MACROD2: variants seen among roughly 807,000 people sequenced by gnomAD.
The protein encoded by MACROD2 is mono-ADP ribosylhydrolase 2, also known as ADP-ribose glycohydrolase MACROD2.
Under a neutral mutation model 70.4 loss-of-function variants are expected in MACROD2, and 36 were observed. The observed-to-expected ratio is 0.51, with a 90% CI of 0.39 to 0.68. The LOEUF is 0.68. Ranked by LOEUF, MACROD2 falls within the 30% of genes least tolerant of loss-of-function variation. The pLI is 0.00. For missense variants in MACROD2, 496 were observed against 538.4 expected (o/e 0.92, Z 0.78); for synonymous variants, 172 against 178.8 (o/e 0.96, Z 0.30).
At position 15,166,100 on chromosome 20, in the gene MACROD2, T is replaced by C. The variant is rs1200133638; in HGVS notation, c.419-63840T>C. 2.6e-5 allele frequency among the ~76,000 whole-genome samples: 4 copies of C among 152,138 alleles called. No homozygotes were observed. The South Asian group carries it at 8.3e-4, about 32-fold the overall frequency. ...ATGCAGCTGGGGGTAGGAACAGGTA[T>C]TGACTGCAAATGGGCACGGAGGATC... On this transcript the variant is annotated intron_variant, in intron 5 of 17. Coordinates refer to ENST00000684519, the MANE Select transcript of MACROD2 (RefSeq NM_001351661.2).
chr20:15,780,173 C>T (rs1186164784), intron 8 of MACROD2, among the ~76,000 whole-genome samples: 1 of 152,120 alleles, frequency 6.6e-6, no homozygotes, highest in Admixed American at 6.5e-5. Context: ...TAGCCCACTT[C>T]TGCCTTCTAA....
In MACROD2 at chr20:15,735,659, G is replaced by C. The variant is rs903730442; in HGVS notation, c.646-127086G>C. ...TGTGTAACTTTCAATTCTACTTTTT[G>C]TATTGGCAGGACTTGGCAAAGAATT... On this transcript the variant is annotated intron_variant, in intron 8 of 17. Coordinates refer to ENST00000684519, the MANE Select transcript of MACROD2 (RefSeq NM_001351661.2). Among the ~76,000 whole-genome samples, 4 of 152,284 alleles carry C rather than the reference G, an allele frequency of 2.6e-5. No homozygotes were observed. The South Asian group carries it at 8.3e-4, about 32-fold the overall frequency.
intron 5 of MACROD2, among the ~76,000 whole-genome samples, chr20:14,977,760 G>A (rs1317797011): frequency 6.6e-6 from 1 of 152,200 alleles, no homozygotes; most frequent in Non-Finnish European, 1.5e-5. Flanking sequence ...AAGGGAAGAT[G>A]AGGAAGGACC....
At chr20:15,284,861 T>C (rs1276473194) in intron 6 of MACROD2, among the ~76,000 whole-genome samples, 1 of 152,220 alleles carries the variant, frequency 6.6e-6, no homozygotes, top group African/African-American at 2.4e-5. Context: ...ATGGTTTTTA[T>C]ATACAAACAT....
At chr20:14,806,140 G>A (rs1468574029) in intron 5 of MACROD2, among the ~76,000 whole-genome samples, 3 of 152,068 alleles carry the variant, frequency 2.0e-5, no homozygotes, top group African/African-American at 7.2e-5. Context: ...GATAAATGTG[G>A]CCATGAAAAT....
intron 5 of MACROD2, among the ~76,000 whole-genome samples, chr20:15,049,465 T>TA (rs959316549): frequency 5.2e-4 from 78 of 151,404 alleles, no homozygotes; most frequent in Middle Eastern, 6.8e-3. Flanking sequence ...TCAAGAGAAG[T>TA]AAAAAAAAAT....
intron 6 of MACROD2, among the ~76,000 whole-genome samples, chr20:15,417,925 G>A (rs1324844305): frequency 1.3e-5 from 2 of 152,184 alleles, no homozygotes; most frequent in Non-Finnish European, 2.9e-5. Context: ...TGTGGATGCT[G>A]AAAAAGAATT....
intron 3 of MACROD2, among the ~76,000 whole-genome samples, chr20:14,270,940 G>T (rs1319400993): frequency 1.3e-5 from 2 of 152,234 alleles, no homozygotes; most frequent in Non-Finnish European, 2.9e-5. Context: ...GGCTGGGGGA[G>T]GAGCGCCCGC....
At chr20:15,929,995 C>T (rs1177918489) in intron 10 of MACROD2, among the ~76,000 whole-genome samples, 1 of 152,070 alleles carries the variant, frequency 6.6e-6, no homozygotes, top group African/African-American at 2.4e-5. Flanking sequence ...ATATCACACT[C>T]GACATGAATG....
At chr20:14,998,618 A>C (rs2074969538) in intron 5 of MACROD2, among the ~76,000 whole-genome samples, 1 of 152,172 alleles carries the variant, frequency 6.6e-6, no homozygotes, top group Non-Finnish European at 1.5e-5. Flanking sequence ...AATGAAGCAC[A>C]CCTATAGGAT....
intron 5 of MACROD2, among the ~76,000 whole-genome samples, chr20:15,021,153 C>T (rs1272384343): frequency 3.1e-5 from 4 of 128,408 alleles, no homozygotes; most frequent in Admixed American, 1.5e-4. Context: ...TGTATACACA[C>T]ACCTGTGTGT....
intron 3 of MACROD2, among the ~76,000 whole-genome samples, chr20:14,176,868 AT>A (rs2081267002): frequency 6.6e-6 from 1 of 152,172 alleles, no homozygotes; most frequent in African/African-American, 2.4e-5. Flanking sequence ...ATCTGTTTCG[AT>A]TATATATTGC....
chr20:15,038,049 A>C (rs2075327728), intron 5 of MACROD2, among the ~76,000 whole-genome samples: 1 of 152,218 alleles, frequency 6.6e-6, no homozygotes. Context: ...TATGTATTAC[A>C]TAAATATGTA....
intron 8 of MACROD2, among the ~76,000 whole-genome samples, chr20:15,575,887 A>G (rs953624858): frequency 4.6e-5 from 7 of 152,176 alleles, no homozygotes; most frequent in African/African-American, 1.7e-4. Flanking sequence ...TTGACTTCTT[A>G]GAAGATAAAT....
At chr20:15,415,854 C>A (rs756016030) in intron 6 of MACROD2, among the ~76,000 whole-genome samples, 11 of 152,042 alleles carry the variant, frequency 7.2e-5, no homozygotes, top group Non-Finnish European at 1.5e-4. Flanking sequence ...AAGTTAACTC[C>A]CTAGGAGTAG....
At chr20:14,300,303 A>C (rs2082463766) in intron 3 of MACROD2, among the ~76,000 whole-genome samples, 1 of 152,230 alleles carries the variant, frequency 6.6e-6, no homozygotes, top group African/African-American at 2.4e-5. Context: ...AACTATTCAC[A>C]AGTATTATTT....
intron 6 of MACROD2, among the ~76,000 whole-genome samples, chr20:15,243,064 G>A (rs1415678549): frequency 2.0e-5 from 3 of 152,176 alleles, no homozygotes; most frequent in Non-Finnish European, 4.4e-5. Flanking sequence ...TACATTCTGA[G>A]ACAACCAGTT....
intron 5 of MACROD2, among the ~76,000 whole-genome samples, chr20:14,828,016 A>C (rs187130608): frequency 3.2e-4 from 49 of 152,178 alleles, no homozygotes; most frequent in African/African-American, 1.1e-3. Flanking sequence ...TTATGAAATT[A>C]ATGTGCATTC....
intron 6 of MACROD2, among the ~76,000 whole-genome samples, chr20:15,429,585 T>C (rs1047919953): frequency 6.6e-6 from 1 of 152,086 alleles, no homozygotes; most frequent in African/African-American, 2.4e-5. Context: ...GCAATAGTGT[T>C]AATAGAAATA....
Sources: allele counts gnomAD v4.1 joint callset (sites outside exome capture counted in the v4.1 genomes callset), GRCh38; gene constraint gnomAD v4.1.1; transcripts MANE v1.5; gene names NCBI Gene and HGNC (gene_info 2026-07-23, HGNC 2026-07-21).